The following GOLIM4 variants were observed in gnomAD, a reference collection of about 807,000 sequenced individuals.
The protein encoded by GOLIM4 is golgi integral membrane protein 4.
A neutral mutation model predicts 107.4 loss-of-function variants in GOLIM4; 71 were observed. The observed-to-expected ratio is 0.66, with a 90% CI of 0.55 to 0.81. The LOEUF (loss-of-function observed/expected upper bound fraction) is 0.81. Ranked by LOEUF, GOLIM4 falls within the 30% of genes least tolerant of loss-of-function variation. The pLI is 0.00. For synonymous variants in GOLIM4, 327 were observed against 294.8 expected, an observed-to-expected ratio of 1.11 and a Z score of -1.12; for missense variants, 830 against 826.1, an observed-to-expected ratio of 1.00 and a Z score of -0.06.
chr3:168,077,897 G>C (rs1305865884), intron 1 of GOLIM4, among the ~76,000 whole-genome samples: 2 of 151,992 alleles, frequency 1.3e-5, no homozygotes, highest in African/African-American at 4.8e-5. Flanking sequence ...ATCCTTAAAT[G>C]TTTCTACAAT....
At chr3:168,030,165 G>T in intron 9 of GOLIM4, 129 bp from the exon 10 acceptor site, 1 of 867,018 alleles carries the variant, frequency 1.2e-6, no homozygotes, top group South Asian at 1.8e-5. Context: ...GGTGAACTGT[G>T]ATTATACATG....
chr3:168,065,460 T>A (rs1177496182), intron 1 of GOLIM4, among the ~76,000 whole-genome samples: 6 of 152,212 alleles, frequency 3.9e-5, no homozygotes, highest in Non-Finnish European at 5.9e-5. Context: ...CCCTGCCCCA[T>A]GCTTAAGGTG....
At chr3:168,067,404 TA>T (rs1720605165) in intron 1 of GOLIM4, among the ~76,000 whole-genome samples, 1 of 151,470 alleles carries the variant, frequency 6.6e-6, no homozygotes, top group African/African-American at 2.4e-5. Flanking sequence ...GAGAGGTTAT[TA>T]GCTTTTCCTC....
intron 14 of GOLIM4, among the ~76,000 whole-genome samples, chr3:168,021,289 T>C (rs1274563873): frequency 1.3e-5 from 2 of 152,132 alleles, no homozygotes; most frequent in African/African-American, 2.4e-5. Flanking sequence ...AAGAGATAGA[T>C]AGAATGTGAT....
chr3:168,075,753 C>T (rs937341664), intron 1 of GOLIM4, among the ~76,000 whole-genome samples: 8 of 152,124 alleles, frequency 5.3e-5, no homozygotes, highest in African/African-American at 1.9e-4. Flanking sequence ...GTCAAGACGA[C>T]TCATGGGAAA....
chr3:168,032,608 G>A lies in GOLIM4; in HGVS notation c.1088C>T (p.Pro363Leu). The A allele has an allele frequency of 6.2e-7, 1 of 1,613,986 alleles. No individual in the cohort carries two copies. The highest frequency in any genetic ancestry group is 8.5e-7 in the Non-Finnish European group (1 of 1,179,996). ...CTCCCGATCCTGCTCCTCTGGTGATGGATCGTGTTCCTCCTCAAGATGTTC... is the reference window on the plus strand; with the variant it reads ...CTCCCGATCCTGCTCCTCTGGTGATAGATCGTGTTCCTCCTCAAGATGTTC... ...QAEHLEEEHD[P>L]SPEEQDREWK... The change falls in exon 9 of 16, where the codon CCA becomes CTA. Residue 363 changes from proline (P) to leucine (L), a missense_variant. Coordinates refer to ENST00000470487, the MANE Select transcript of GOLIM4 (RefSeq NM_014498.5).
chr3:168,089,193 C>G (rs866067317), intron 1 of GOLIM4, among the ~76,000 whole-genome samples: 1 of 152,130 alleles, frequency 6.6e-6, no homozygotes, highest in Non-Finnish European at 1.5e-5. Flanking sequence ...TATTTTTGTT[C>G]CATATTCTAA....
At chr3:168,092,762 T>C (rs1459854421) in intron 1 of GOLIM4, among the ~76,000 whole-genome samples, 1 of 152,160 alleles carries the variant, frequency 6.6e-6, no homozygotes, top group Non-Finnish European at 1.5e-5. Context: ...AAAAGTTGCA[T>C]ACCACCAGAA....
intron 13 of GOLIM4, 79 bp downstream of exon 13, chr3:168,024,849 A>G (rs1577510579): frequency 7.1e-7 from 1 of 1,405,844 alleles, no homozygotes; most frequent in South Asian, 1.3e-5. Flanking sequence ...AATGTGGAAT[A>G]TGACTAACCT....
chr3:168,031,042 G>A (rs1035997385), intron 9 of GOLIM4, among the ~76,000 whole-genome samples: 2 of 152,138 alleles, frequency 1.3e-5, no homozygotes, highest in South Asian at 2.1e-4. Flanking sequence ...CTTGTCATAC[G>A]CAGTGACATG....
intron 14 of GOLIM4, among the ~76,000 whole-genome samples, chr3:168,011,472 C>T (rs376299677): frequency 3.2e-4 from 49 of 152,018 alleles, no homozygotes; most frequent in Admixed American, 1.4e-3. Flanking sequence ...GGGGGAGGGG[C>T]GCCCGCCATT....
chr3:168,030,161 C>T (rs6798995), intron 9 of GOLIM4, 125 bp from the exon 10 acceptor site: 115,370 of 918,624 alleles, frequency 0.13, 7,748 homozygotes, highest in Middle Eastern at 0.17. Flanking sequence ...GTCAGGTGAA[C>T]TGTGATTATA....
At chr3:168,013,221 A>G (rs200003154) in intron 14 of GOLIM4, among the ~76,000 whole-genome samples, 21,744 of 149,936 alleles carry the variant, frequency 0.15, 3,118 homozygotes, top group African/African-American at 0.37. Context: ...GAAAACAAAA[A>G]AAGGCAGGGG....
chr3:168,090,341 A>C (rs1274990726), intron 1 of GOLIM4, among the ~76,000 whole-genome samples: 1 of 152,034 alleles, frequency 6.6e-6, no homozygotes. Flanking sequence ...AAAAAAAAAA[A>C]TTAAAAACTG....
chr3:168,033,289 T>C (rs1398344677), intron 8 of GOLIM4, among the ~76,000 whole-genome samples: 6 of 150,694 alleles, frequency 4.0e-5, no homozygotes, highest in Admixed American at 1.3e-4. Flanking sequence ...TAGTTTTTAC[T>C]AGTTTGGTTT....
At chr3:168,045,533 G>A (rs1343387835) in intron 3 of GOLIM4, among the ~76,000 whole-genome samples, 1 of 152,190 alleles carries the variant, frequency 6.6e-6, no homozygotes, top group East Asian at 1.9e-4. Flanking sequence ...GGTTCCAGGG[G>A]TATATCTTTG....
chr3:168,049,708 C>T (rs1298120255), intron 1 of GOLIM4, among the ~76,000 whole-genome samples: 1 of 152,174 alleles, frequency 6.6e-6, no homozygotes, highest in Non-Finnish European at 1.5e-5. Flanking sequence ...ACTCCCTTTC[C>T]CCATCCCTGC....
intron 1 of GOLIM4, among the ~76,000 whole-genome samples, chr3:168,056,812 T>C (rs1719998789): frequency 6.6e-6 from 1 of 152,226 alleles, no homozygotes; most frequent in Non-Finnish European, 1.5e-5. Flanking sequence ...TTAACTTGCT[T>C]TTGATTTTAC....
At position 168,010,245 on chromosome 3, in the gene GOLIM4, G is replaced by A. The variant is rs763128598; in HGVS notation, c.*24C>T. The stretch of plus-strand genomic sequence containing the variant: ...AGCTTGAAAAGAATCCGTTGGCTGA[G>A]CGTTGTCTAGAAATTGGGTGCCGCT... On this transcript the variant is annotated 3_prime_UTR_variant, in exon 16 of 16. Transcript: ENST00000470487. 2.7e-5 allele frequency: 43 copies of A among 1,603,996 alleles called. No individual in the cohort carries two copies. Among genetic ancestry groups the A allele is most frequent in the Non-Finnish European group, 3.6e-5 (42 of 1,175,180 alleles).
Sources: gnomAD v4.1 joint callset for allele counts (sites outside exome capture counted in the v4.1 genomes callset) on GRCh38, gnomAD v4.1.1 for gene constraint, MANE v1.5 for transcripts, NCBI Gene and HGNC (gene_info 2026-07-23, HGNC 2026-07-21) for gene names.